The following FRMD4A variants were observed in gnomAD, a reference collection of about 807,000 sequenced individuals.
The protein encoded by FRMD4A is FERM domain-containing protein 4A.
A neutral mutation model predicts 129.1 loss-of-function variants in FRMD4A; 29 were observed. The observed-to-expected ratio is 0.22, with a 90% CI of 0.17 to 0.31. The LOEUF (loss-of-function observed/expected upper bound fraction) is 0.31. Ranked by LOEUF, FRMD4A falls within the 10% of genes least tolerant of loss-of-function variation. The pLI is 1.00. For synonymous variants in FRMD4A, 634 were observed against 571.6 expected (o/e 1.11, Z -1.56); for missense variants, 1,272 against 1,375.8 (o/e 0.92, Z 1.19).
intron 2 of FRMD4A, among the ~76,000 whole-genome samples, chr10:14,268,614 TTAAC>T (rs1252217503): frequency 6.6e-6 from 1 of 152,224 alleles, no homozygotes. Context: ...CTAGTGAAGA[TTAAC>T]TAATATTTTG....
chr10:14,275,975 C>T (rs1022558682), intron 2 of FRMD4A, among the ~76,000 whole-genome samples: 7 of 152,142 alleles, frequency 4.6e-5, no homozygotes, highest in Non-Finnish European at 8.8e-5. Flanking sequence ...GAGGTGGAGG[C>T]TTCAGTGAGC....
At chr10:13,857,372 T>C (rs898932723) in intron 3 of FRMD4A, among the ~76,000 whole-genome samples, 6 of 152,092 alleles carry the variant, frequency 3.9e-5, no homozygotes, top group Non-Finnish European at 8.8e-5. Context: ...AAATAAGATA[T>C]GTAGAATTAT....
intron 2 of FRMD4A, among the ~76,000 whole-genome samples, chr10:14,273,424 C>T (rs2132049663): frequency 6.6e-6 from 1 of 152,214 alleles, no homozygotes; most frequent in South Asian, 2.1e-4. Context: ...CTACTCATAA[C>T]ACTTACTTCT....
intron 2 of FRMD4A, among the ~76,000 whole-genome samples, chr10:14,013,624 G>C (rs914546501): frequency 2.6e-5 from 4 of 152,196 alleles, no homozygotes; most frequent in Admixed American, 2.6e-4. Flanking sequence ...ACACCCATTA[G>C]TCCCAGAGAA....
intron 2 of FRMD4A, among the ~76,000 whole-genome samples, chr10:14,114,817 C>A (rs1296051385): frequency 6.6e-6 from 1 of 152,198 alleles, no homozygotes; most frequent in Non-Finnish European, 1.5e-5. Flanking sequence ...CGCTGGTAGG[C>A]ATCTCAGCCT....
chr10:14,017,398 T>C (rs1431743741), intron 2 of FRMD4A, among the ~76,000 whole-genome samples: 2 of 152,224 alleles, frequency 1.3e-5, no homozygotes, highest in South Asian at 2.1e-4. Flanking sequence ...AATGGCAATA[T>C]AAATAACGTC....
chr10:14,087,666 T>TC (rs1836369826), intron 2 of FRMD4A: 1 of 152,214 alleles, frequency 6.6e-6, no homozygotes, highest in Admixed American at 6.5e-5. Flanking sequence ...GGAACAAACA[T>TC]CAGCCCTGAC....
intron 13 of FRMD4A, among the ~76,000 whole-genome samples, chr10:13,706,389 A>G (rs1389408185): frequency 6.6e-6 from 1 of 151,962 alleles, no homozygotes; most frequent in Non-Finnish European, 1.5e-5. Context: ...CTGCATTCCA[A>G]CCTGGGGCCC....
chr10:13,849,482 A>ATTT (rs143466300), intron 3 of FRMD4A, among the ~76,000 whole-genome samples: 2 of 141,800 alleles, frequency 1.4e-5, no homozygotes, highest in Non-Finnish European at 1.5e-5. Flanking sequence ...AATCTCCTGC[A>ATTT]TTTTTTTTTT....
intron 2 of FRMD4A, among the ~76,000 whole-genome samples, chr10:14,277,030 A>G (rs370658694): frequency 1.1e-4 from 17 of 152,034 alleles, no homozygotes; most frequent in African/African-American, 3.6e-4. Flanking sequence ...ATACCTAGCT[A>G]ATTTTTGTAT....
In FRMD4A at chr10:13,679,472, T is replaced by TACACACAC. The variant is rs1169130994; in HGVS notation, c.1118-4429_1118-4428insGTGTGTGT. On this transcript the variant is annotated intron_variant, in intron 15 of 24. Transcript: ENST00000357447. ...AAAAAAAAAAAAAAATATATATATA[T>TACACACAC]ATACACACACACACACACACACACA... is the stretch of plus-strand genomic sequence containing the variant. Among the ~76,000 whole-genome samples, 149 of 21,382 alleles carry TACACACAC rather than the reference T, an allele frequency of 7.0e-3. 1 individual carries two copies. The highest frequency in any genetic ancestry group is 8.1e-3 in the Non-Finnish European group (105 of 12,934). The allele number at this position is 21,382 out of a possible 152,430, so 14.0% of individuals were successfully genotyped here.
At chr10:14,322,038 T>C (rs1226428935) in intron 2 of FRMD4A, among the ~76,000 whole-genome samples, 2 of 152,144 alleles carry the variant, frequency 1.3e-5, no homozygotes, top group African/African-American at 4.8e-5. Context: ...TCCTGAGGCT[T>C]CTCCAGCCAG....
intron 2 of FRMD4A, among the ~76,000 whole-genome samples, chr10:14,133,665 T>C (rs1839383329): frequency 6.6e-6 from 1 of 152,230 alleles, no homozygotes; most frequent in Non-Finnish European, 1.5e-5. Context: ...TTCTGTTCCC[T>C]GTTCTCACTC....
intron 2 of FRMD4A, among the ~76,000 whole-genome samples, chr10:14,222,576 T>C (rs529185241): frequency 6.6e-6 from 1 of 152,280 alleles, no homozygotes; most frequent in East Asian, 1.9e-4. Context: ...ACTTAGAAAT[T>C]AGAAGCTACT....
In FRMD4A at chr10:13,692,921, C is replaced by T. The variant is rs55955200; in HGVS notation, c.1117+977G>A. 1,107 of 152,028 alleles carry T rather than the reference C, an allele frequency of 7.3e-3. 22 individuals are homozygous for T. The East Asian group carries it at 0.075, about 10-fold the overall frequency. The allele number at this position is 152,028 out of a possible 1,614,324, so 9.4% of individuals were successfully genotyped here. On this transcript the variant is annotated intron_variant, in intron 15 of 24. Coordinates refer to ENST00000357447, the MANE Select transcript of FRMD4A (RefSeq NM_018027.5). The stretch of plus-strand genomic sequence containing the variant: ...TTGCTCTGTCACCCAGGTTGGAGGG[C>T]AGTGCAGTCACTGCTCACTGCAGCC...
At chr10:13,669,579 T>C (rs1454678778) in intron 17 of FRMD4A, among the ~76,000 whole-genome samples, 4 of 152,184 alleles carry the variant, frequency 2.6e-5, no homozygotes, top group African/African-American at 4.8e-5. Flanking sequence ...ACAGCATTCC[T>C]TTTTCCCCTG....
chr10:13,828,063 G>A (rs1446875208), intron 3 of FRMD4A, among the ~76,000 whole-genome samples: 1 of 152,210 alleles, frequency 6.6e-6, no homozygotes, highest in Non-Finnish European at 1.5e-5. Context: ...AGCAGGCCTC[G>A]TCTGAGGCAC....
chr10:13,951,384 T>C (rs2095369417), intron 2 of FRMD4A, among the ~76,000 whole-genome samples: 1 of 152,076 alleles, frequency 6.6e-6, no homozygotes, highest in African/African-American at 2.4e-5. Flanking sequence ...TTTTCTAAGA[T>C]TGATGGGAAG....
At chr10:14,237,370 G>T (rs974446587) in intron 2 of FRMD4A, among the ~76,000 whole-genome samples, 1 of 152,022 alleles carries the variant, frequency 6.6e-6, no homozygotes. Context: ...ACACTCTGTC[G>T]CCCAGGCTGG....
Sources: gnomAD v4.1 joint callset for allele counts (sites outside exome capture counted in the v4.1 genomes callset) on GRCh38, gnomAD v4.1.1 for gene constraint, MANE v1.5 for transcripts, NCBI Gene and HGNC (gene_info 2026-07-23, HGNC 2026-07-21) for gene names.